The following ACACA variants were observed in gnomAD, a reference collection of about 807,000 sequenced individuals.
ACACA encodes the protein acetyl-CoA carboxylase 1.
A neutral mutation model predicts 296.1 loss-of-function variants in ACACA; 103 were observed. The observed-to-expected ratio is 0.35, with a 90% CI of 0.30 to 0.41. The LOEUF (loss-of-function observed/expected upper bound fraction) is 0.41, where lower values mean the gene tolerates loss of function less well. Among genes scored for constraint, ACACA ranks in the 10% least tolerant of loss-of-function variants. The probability of loss-of-function intolerance (pLI) is 1.00; values close to 1 mark genes in which losing one functional copy is unlikely to be tolerated. For missense variants in ACACA, 1,554 were observed against 2,989.7 expected (o/e 0.52, Z 11.20); for synonymous variants, 953 against 1,038.6 (o/e 0.92, Z 1.58).
chr17:37,123,432 G>A (rs535878799), intron 48 of ACACA, among the ~76,000 whole-genome samples: 3 of 152,252 alleles, frequency 2.0e-5, no homozygotes, highest in East Asian at 3.9e-4. Context: ...AGATTTTCTA[G>A]GAAAAATCAG....
intron 24 of ACACA, among the ~76,000 whole-genome samples, chr17:37,236,674 A>C (rs796653152): frequency 4.6e-5 from 7 of 152,254 alleles, no homozygotes; most frequent in African/African-American, 1.7e-4. Flanking sequence ...AAAATACAAA[A>C]ATTAGCCAGG....
At chr17:37,125,866 ATTTAAGGTGG>A in intron 47 of ACACA, 72 bp from the exon 48 acceptor site, 1 of 1,344,734 alleles carries the variant, frequency 7.4e-7, no homozygotes, top group Non-Finnish European at 1.1e-6. Context: ...GAACTGACGA[ATTTAAGGTGG>A]TTTGGGGGAT....
chr17:37,144,977 C>G (rs2075752032), intron 45 of ACACA, among the ~76,000 whole-genome samples: 1 of 152,166 alleles, frequency 6.6e-6, no homozygotes, highest in African/African-American at 2.4e-5. Flanking sequence ...TCTTATTTCT[C>G]TGGATAGAGA....
chr17:37,181,064 G>T, intron 40 of ACACA, 137 bp downstream of exon 40: 1 of 938,572 alleles, frequency 1.1e-6, no homozygotes, highest in Non-Finnish European at 1.7e-6. Context: ...ATCCTCAAAT[G>T]AAATAGAAAT....
chr17:37,297,949 T>G (rs1318338198), intron 3 of ACACA, among the ~76,000 whole-genome samples: 4 of 152,078 alleles, frequency 2.6e-5, no homozygotes, highest in Non-Finnish European at 5.9e-5. Flanking sequence ...ATTATATATA[T>G]CTCAGTTACT....
chr17:37,116,642 C>G (rs1312693417), intron 50 of ACACA, among the ~76,000 whole-genome samples: 2 of 152,086 alleles, frequency 1.3e-5, no homozygotes, highest in Non-Finnish European at 2.9e-5. Context: ...ATCAAAACAC[C>G]CAAAAAGCAG....
chr17:37,120,611 A>C (rs116211644), intron 50 of ACACA, among the ~76,000 whole-genome samples: 78 of 152,246 alleles, frequency 5.1e-4, no homozygotes, highest in African/African-American at 1.8e-3. Context: ...GACAGATGGA[A>C]TTTATACTTA....
chr17:37,350,145 G>A (rs972391329), intron 1 of ACACA, among the ~76,000 whole-genome samples: 5 of 151,908 alleles, frequency 3.3e-5, no homozygotes, highest in African/African-American at 1.2e-4. Context: ...GCAACAAAGT[G>A]AGACTCCGTC....
At chr17:37,288,404 A>G (rs1483999076) in intron 3 of ACACA, among the ~76,000 whole-genome samples, 2 of 152,206 alleles carry the variant, frequency 1.3e-5, no homozygotes, top group South Asian at 4.1e-4. Context: ...AACCAGACAC[A>G]AAAAAGTATA....
intron 45 of ACACA, among the ~76,000 whole-genome samples, chr17:37,139,167 G>A (rs11651239): frequency 0.2 from 29,970 of 152,070 alleles, 3,295 homozygotes; most frequent in Admixed American, 0.33. Context: ...ATATGAAGGT[G>A]TAACACACAA....
At position 37,158,840 on chromosome 17, in the gene ACACA, C is replaced by A. The variant is rs1479974194; in HGVS notation, c.5349+2941G>T. Among the ~76,000 whole-genome samples, 3 of 152,040 alleles carry A rather than the reference C, an allele frequency of 2.0e-5. No homozygotes were observed. The East Asian group carries it at 5.8e-4, about 29-fold the overall frequency. Reference sequence around the variant, plus strand: ...AGTCCAGAACTTCTTGGTCCTGCTGCAGCCTCTGTGCTCCTGACATGTCTC... The same window carrying A: ...AGTCCAGAACTTCTTGGTCCTGCTGAAGCCTCTGTGCTCCTGACATGTCTC... On this transcript the variant is annotated intron_variant, in intron 42 of 55. Coordinates refer to ENST00000616317, the MANE Select transcript of ACACA (RefSeq NM_198834.3).
intron 39 of ACACA, 83 bp from the exon 40 acceptor site, chr17:37,181,439 T>C (rs2077313369): frequency 4.1e-6 from 6 of 1,479,788 alleles, no homozygotes; most frequent in South Asian, 1.1e-5. Context: ...TTTGCACAAA[T>C]ATTATCTCTT....
In ACACA at chr17:37,128,733, A is replaced by G. The variant is rs569114647; in HGVS notation, c.5944+632T>C. On this transcript the variant is annotated intron_variant, in intron 47 of 55. Coordinates refer to ENST00000616317, the MANE Select transcript of ACACA (RefSeq NM_198834.3). ...TAAAAGACAAAGCAGTAGATTAGAT[A>G]TATCTGGAGGGAGAGCTTATTCTCA... Among the ~76,000 whole-genome samples the G allele has an allele frequency of 1.9e-4, 29 of 152,338 alleles. No individual in the cohort carries two copies. The South Asian group carries it at 6.0e-3, about 32-fold the overall frequency.
At chr17:37,401,395 G>A (rs527678355) in intron 1 of ACACA, among the ~76,000 whole-genome samples, 19 of 151,764 alleles carry the variant, frequency 1.3e-4, no homozygotes, top group South Asian at 1.0e-3. Flanking sequence ...GTTTCACCAG[G>A]TTGGCCCGGC....
At position 37,227,319 on chromosome 17, in the gene ACACA, CT is replaced by C. The variant is rs1212014421; in HGVS notation, c.3247-868del. ...AATGCAGTTTTTATAAATGTCTGTC[CT>C]TTTTGAACTTTACAGACCTACTGGT... On this transcript the variant is annotated intron_variant, in intron 25 of 55. Transcript: ENST00000616317. Among the ~76,000 whole-genome samples, 7 of 152,228 alleles carry C rather than the reference CT, an allele frequency of 4.6e-5. No individual in the cohort carries two copies. In the East Asian group the frequency reaches 9.6e-4, roughly 21 times the overall value.
intron 45 of ACACA, among the ~76,000 whole-genome samples, chr17:37,141,855 C>T (rs970116788): frequency 6.6e-6 from 1 of 151,850 alleles, no homozygotes; most frequent in African/African-American, 2.4e-5. Flanking sequence ...CCACGCCTGG[C>T]TAATTTTGTA....
intron 50 of ACACA, among the ~76,000 whole-genome samples, chr17:37,117,946 T>C (rs1216603480): frequency 6.6e-6 from 1 of 152,172 alleles, no homozygotes. Flanking sequence ...GGCATAATTG[T>C]TTATTTTCCC....
chr17:37,231,245 A>T (rs1173247809), intron 25 of ACACA, among the ~76,000 whole-genome samples: 7 of 152,100 alleles, frequency 4.6e-5, no homozygotes, highest in African/African-American at 1.7e-4. Context: ...AGCATAGCCA[A>T]AGTTACACAG....
At chr17:37,323,208 G>T (rs1052860949) in intron 3 of ACACA, among the ~76,000 whole-genome samples, 9 of 152,278 alleles carry the variant, frequency 5.9e-5, no homozygotes, top group Non-Finnish European at 1.2e-4. Context: ...CCCCTTAGGG[G>T]TTTGAGCAGT....
Sources: allele counts gnomAD v4.1 joint callset (sites outside exome capture counted in the v4.1 genomes callset), GRCh38; gene constraint gnomAD v4.1.1; transcripts MANE v1.5; gene names NCBI Gene and HGNC (gene_info 2026-07-23, HGNC 2026-07-21).